Variants in PDS5B observed in about 807,000 individuals in gnomAD.
The protein encoded by PDS5B is PDS5 cohesin associated factor B.
A neutral mutation model predicts 184.1 loss-of-function variants in PDS5B; 51 were observed. The observed-to-expected ratio is 0.28, with a 90% CI of 0.22 to 0.35. The LOEUF (loss-of-function observed/expected upper bound fraction) is 0.35, where lower values mean the gene tolerates loss of function less well. Ranked by LOEUF, PDS5B falls within the 10% of genes least tolerant of loss-of-function variation. The pLI, the probability that PDS5B is intolerant of heterozygous loss-of-function variation, is 1.00. For synonymous variants in PDS5B, 566 were observed against 569.2 expected (o/e 0.99, Z 0.08); for missense variants, 1,180 against 1,723.3 (o/e 0.68, Z 5.58).
chr13:32,775,186 C>A lies in PDS5B; in HGVS notation c.*134C>A. ...CTGAAGAGTGGACAGTTGGACCTTA[C>A]TTTGGTGACCCCATACATTTGTGGT... On this transcript the variant is annotated 3_prime_UTR_variant, in exon 35 of 35. Coordinates refer to ENST00000315596, the MANE Select transcript of PDS5B (RefSeq NM_015032.4). 1.4e-6 allele frequency: 1 copy of A among 708,838 alleles called. No individual in the cohort carries two copies. The highest frequency in any genetic ancestry group is 2.4e-6 in the Non-Finnish European group (1 of 423,912). The allele number at this position is 708,838 out of a possible 1,614,324, so 43.9% of individuals were successfully genotyped here. A position where few individuals can be genotyped will look rare whatever the true frequency, so the allele number is the denominator to read the frequency against.
At chr13:32,763,243 C>T (rs545088586) in intron 30 of PDS5B, among the ~76,000 whole-genome samples, 2 of 152,134 alleles carry the variant, frequency 1.3e-5, no homozygotes, top group South Asian at 4.1e-4. Context: ...TTAAGTGCAA[C>T]TGAAAGATTT....
At chr13:32,673,434 A>T in intron 8 of PDS5B, 78 bp downstream of exon 8, 1 of 1,224,138 alleles carries the variant, frequency 8.2e-7, no homozygotes, top group Non-Finnish European at 1.1e-6. Context: ...TAATTTTTAC[A>T]GTAGTTTTAA....
chr13:32,755,904 G>A lies in PDS5B; in HGVS notation c.3004G>A (p.Asp1002Asn). ...ATATACAATTCACCTTTTGGCACAT[G>A]ACCCAGATTATGTCAAAGTACAGGA... ...VPYTIHLLAH[D>N]PDYVKVQDIE... is the part of the protein sequence containing the mutation. Residue 1002 changes from aspartate (D) to asparagine (N), a missense_variant, in exon 26 of 35, where the codon GAC becomes AAC. By Grantham distance (23) the Asp-to-Asn change is conservative. Coordinates refer to ENST00000315596, the MANE Select transcript of PDS5B (RefSeq NM_015032.4). 6.3e-7 allele frequency: 1 copy of A among 1,588,114 alleles called. No homozygotes were observed. Among genetic ancestry groups the A allele is most frequent in the African/African-American group, 1.3e-5 (1 of 74,194 alleles).
intron 2 of PDS5B, chr13:32,649,103 T>TC (rs1459709781): frequency 2.3e-6 from 1 of 435,520 alleles, no homozygotes; most frequent in Non-Finnish European, 4.1e-6. Context: ...TTTTCTAGGA[T>TC]CTCCTATACT....
intron 21 of PDS5B, among the ~76,000 whole-genome samples, 168 bp from the exon 22 acceptor site, chr13:32,740,911 CT>C (rs375037267): frequency 0.018 from 2,604 of 142,570 alleles, 22 homozygotes; most frequent in African/African-American, 0.024. Context: ...GCCTTTCAAC[CT>C]TTTTTTTTTT....
rs1181456153 is a variant in PDS5B, at chr13:32,640,225, A to T, written c.-19-8529A>T. Among the ~76,000 whole-genome samples, 7 of 152,298 alleles carry T rather than the reference A, an allele frequency of 4.6e-5. No individual in the cohort carries two copies. In the East Asian group the frequency reaches 1.3e-3, roughly 29 times the overall value. On this transcript the variant is annotated intron_variant, in intron 1 of 34. Coordinates refer to ENST00000315596, the MANE Select transcript of PDS5B (RefSeq NM_015032.4). Reference sequence around the variant, plus strand: ...TCATTTTATTTGAACTTTAAAAAAAAACTTTAGTATTAGAATATTTTCTTT... The same window carrying T: ...TCATTTTATTTGAACTTTAAAAAAATACTTTAGTATTAGAATATTTTCTTT...
chr13:32,657,272 A>T (rs1950539215), intron 3 of PDS5B, among the ~76,000 whole-genome samples: 1 of 152,170 alleles, frequency 6.6e-6, no homozygotes, highest in Admixed American at 6.5e-5. Context: ...GGATGCATAT[A>T]TTTTTAGGAT....
chr13:32,730,490 G>T (rs1391164290), intron 19 of PDS5B, among the ~76,000 whole-genome samples: 3 of 152,084 alleles, frequency 2.0e-5, no homozygotes, highest in Non-Finnish European at 4.4e-5. Context: ...AAGAAAGTCA[G>T]TGGTGGCTTG....
rs2141038434 is a variant in PDS5B at position 32,770,474 on chromosome 13, G to T, written c.3978G>T (p.Glu1326Asp). 3.1e-6 allele frequency: 5 copies of T among 1,612,444 alleles called. No homozygotes were observed. Among genetic ancestry groups the T allele is most frequent in the South Asian group, 1.1e-5 (1 of 90,804 alleles). ...KKKSGPPAPE[E>D]EEEEERQSGN... ...AATCTGGACCTCCAGCACCAGAGGA[G>T]GAGGAAGAAGAAGAAAGACAAAGTG... The change falls in exon 32 of 35, where the codon GAG (glutamate) becomes GAT (aspartate). Residue 1326 changes from glutamate (E) to aspartate (D), a missense_variant. Physicochemically the swap from Glu to Asp is conservative, Grantham distance 45 (BLOSUM62 2). Coordinates refer to ENST00000315596, the MANE Select transcript of PDS5B (RefSeq NM_015032.4).
intron 19 of PDS5B, among the ~76,000 whole-genome samples, chr13:32,721,465 G>T (rs1446973032): frequency 6.6e-6 from 1 of 151,450 alleles, no homozygotes; most frequent in African/African-American, 2.4e-5. Context: ...CCGGGCAGAG[G>T]TGCTCCTCAG....
intron 19 of PDS5B, among the ~76,000 whole-genome samples, chr13:32,725,259 G>A (rs769895118): frequency 6.6e-6 from 1 of 152,062 alleles, no homozygotes; most frequent in African/African-American, 2.4e-5. Context: ...GTTGAGTGTC[G>A]TTTTTAAAAA....
At chr13:32,700,494 A>G (rs9596083) in intron 16 of PDS5B, among the ~76,000 whole-genome samples, 58,270 of 151,874 alleles carry the variant, frequency 0.38, 11,642 homozygotes, top group Non-Finnish European at 0.44. Flanking sequence ...TTTGTTAGTC[A>G]CTAGTCATCT....
chr13:32,613,336 A>G (rs1372452308), intron 1 of PDS5B, among the ~76,000 whole-genome samples: 1 of 152,234 alleles, frequency 6.6e-6, no homozygotes, highest in Non-Finnish European at 1.5e-5. Flanking sequence ...GAGCTACTGC[A>G]TCATCTTACA....
Position 32,688,378 on chromosome 13 carries a change from A to G in PDS5B, c.1356-78A>G, listed in dbSNP as rs1197066256. On this transcript the variant is annotated intron_variant, in intron 12 of 34. Transcript: ENST00000315596. ...GGAACTTCTTTAATATATGTTCTTT[A>G]CATAGTTTTAGAATTTTATATACAA... 4.3e-6 allele frequency: 3 copies of G among 693,654 alleles called. No individual in the cohort carries two copies. In the African/African-American group the frequency reaches 5.4e-5, roughly 13 times the overall value. The allele number at this position is 693,654 out of a possible 1,614,324, so 43.0% of individuals were successfully genotyped here.
chr13:32,768,946 A>AG (rs1954683210), intron 31 of PDS5B, among the ~76,000 whole-genome samples: 3 of 111,826 alleles, frequency 2.7e-5, no homozygotes, highest in African/African-American at 1.1e-4. Flanking sequence ...CTAAAAAAAT[A>AG]CAAAAAAAAA....
intron 3 of PDS5B, among the ~76,000 whole-genome samples, chr13:32,654,766 A>C (rs1950458701): frequency 6.6e-6 from 1 of 152,180 alleles, no homozygotes; most frequent in Admixed American, 6.5e-5. Flanking sequence ...TCCTGGTGAT[A>C]AGTGAGAACA....
intron 1 of PDS5B, among the ~76,000 whole-genome samples, chr13:32,615,367 T>C (rs1366985741): frequency 1.3e-5 from 2 of 152,178 alleles, no homozygotes; most frequent in Non-Finnish European, 2.9e-5. Context: ...AATTATATTA[T>C]CCAAAGCTGA....
rs866963175 is a variant in PDS5B, at chr13:32,777,888, T to C, written c.*2836T>C. On this transcript the variant is annotated 3_prime_UTR_variant, in exon 35 of 35. Coordinates refer to ENST00000315596, the MANE Select transcript of PDS5B (RefSeq NM_015032.4). ...TAAGAATGTCAGGAATTTAAGAATTTGTTTAAATTAGGCATATCTCTGCCA... is the reference window on the plus strand; with the variant it reads ...TAAGAATGTCAGGAATTTAAGAATTCGTTTAAATTAGGCATATCTCTGCCA... 1.9e-4 allele frequency: 29 copies of C among 152,482 alleles called. No homozygotes were observed. Among genetic ancestry groups the C allele is most frequent in the African/African-American group, 4.6e-4 (19 of 41,456 alleles). The allele number at this position is 152,482 out of a possible 1,614,324, so 9.4% of individuals were successfully genotyped here.
chr13:32,760,102 C>G (rs1292754948), intron 29 of PDS5B, among the ~76,000 whole-genome samples: 1 of 152,044 alleles, frequency 6.6e-6, no homozygotes, highest in Non-Finnish European at 1.5e-5. Flanking sequence ...ACTACAGGTG[C>G]CTGCCACCAC....
Sources: allele counts gnomAD v4.1 joint callset (sites outside exome capture counted in the v4.1 genomes callset), GRCh38; gene constraint gnomAD v4.1.1; transcripts MANE v1.5; gene names NCBI Gene and HGNC (gene_info 2026-07-23, HGNC 2026-07-21).